ADAMTS6: variants seen among roughly 807,000 people sequenced by gnomAD.
ADAMTS6 encodes ADAM metallopeptidase with thrombospondin type 1 motif 6.
Under a neutral mutation model 144.3 loss-of-function variants are expected in ADAMTS6, and 23 were observed. The observed-to-expected ratio is 0.16, with a 90% CI of 0.11 to 0.23. The LOEUF is 0.23. Ranked by LOEUF, ADAMTS6 falls within the 10% of genes least tolerant of loss-of-function variation. ADAMTS6 has a pLI of 1.00. For synonymous variants in ADAMTS6, 444 were observed against 457.5 expected, an observed-to-expected ratio of 0.97 and a Z score of 0.38; for missense variants, 999 against 1,379.6, an observed-to-expected ratio of 0.72 and a Z score of 4.37.
chr5:65,199,574 T>C (rs1755603172), intron 20 of ADAMTS6, among the ~76,000 whole-genome samples: 1 of 152,130 alleles, frequency 6.6e-6, no homozygotes, highest in Non-Finnish European at 1.5e-5. Context: ...AAGGAAGAAA[T>C]AAAACTGACC....
intron 8 of ADAMTS6, among the ~76,000 whole-genome samples, chr5:65,331,214 C>T (rs796972016): frequency 1.2e-4 from 19 of 152,082 alleles, no homozygotes; most frequent in African/African-American, 4.6e-4. Flanking sequence ...AAAAGAAAAG[C>T]AGAATTACTA....
chr5:65,211,587 G>C (rs1417840349), intron 20 of ADAMTS6, among the ~76,000 whole-genome samples: 1 of 152,012 alleles, frequency 6.6e-6, no homozygotes, highest in Non-Finnish European at 1.5e-5. Context: ...GGGTGACAGG[G>C]TGAGACTCTG....
intron 7 of ADAMTS6, among the ~76,000 whole-genome samples, chr5:65,437,219 C>A (rs772390785): frequency 1.3e-5 from 2 of 151,862 alleles, no homozygotes; most frequent in Non-Finnish European, 2.9e-5. Context: ...CTCAGCCTCC[C>A]GAGTAGCTGG....
chr5:65,459,983 C>G (rs1027738230), intron 4 of ADAMTS6, among the ~76,000 whole-genome samples, 187 bp downstream of exon 4: 20 of 152,082 alleles, frequency 1.3e-4, no homozygotes, highest in African/African-American at 4.8e-4. Flanking sequence ...AGCTTAAAAA[C>G]TTCTCAAAGA....
chr5:65,308,895 A>C (rs1460984883), intron 9 of ADAMTS6, among the ~76,000 whole-genome samples: 1 of 152,220 alleles, frequency 6.6e-6, no homozygotes, highest in Admixed American at 6.5e-5. Context: ...GGAGAACTTC[A>C]ATACCTATTA....
intron 7 of ADAMTS6, among the ~76,000 whole-genome samples, chr5:65,388,502 G>C (rs775365264): frequency 6.6e-6 from 1 of 152,122 alleles, no homozygotes; most frequent in Non-Finnish European, 1.5e-5. Flanking sequence ...AGAAAAGCAC[G>C]CGATTAAATG....
chr5:65,255,722 C>T (rs1760593865), intron 14 of ADAMTS6, among the ~76,000 whole-genome samples: 1 of 151,294 alleles, frequency 6.6e-6, no homozygotes, highest in Non-Finnish European at 1.5e-5. Flanking sequence ...ATTATTTTGT[C>T]AGTTCTTTGC....
At chr5:65,356,766 T>C (rs1749361633) in intron 7 of ADAMTS6, among the ~76,000 whole-genome samples, 1 of 151,888 alleles carries the variant, frequency 6.6e-6, no homozygotes. Flanking sequence ...TACTGGGGAT[T>C]TTAAGTTCCA....
intron 21 of ADAMTS6, among the ~76,000 whole-genome samples, chr5:65,195,418 T>C (rs1463843030): frequency 1.3e-5 from 2 of 152,202 alleles, no homozygotes; most frequent in African/African-American, 4.8e-5. Flanking sequence ...GCAAAAGTCT[T>C]AGAACAAAAA....
intron 9 of ADAMTS6, among the ~76,000 whole-genome samples, chr5:65,314,431 T>C (rs991610089): frequency 2.6e-5 from 4 of 151,936 alleles, no homozygotes; most frequent in African/African-American, 4.8e-5. Flanking sequence ...GTACATGTAA[T>C]TGACATACTA....
intron 4 of ADAMTS6, among the ~76,000 whole-genome samples, chr5:65,455,694 T>C (rs986129899): frequency 1.3e-5 from 2 of 151,518 alleles, no homozygotes; most frequent in South Asian, 2.1e-4. Context: ...TCCCAGCTAC[T>C]AGGAAGGCTG....
chr5:65,261,335 A>C (rs1348742983), intron 13 of ADAMTS6, among the ~76,000 whole-genome samples: 2 of 152,214 alleles, frequency 1.3e-5, no homozygotes, highest in African/African-American at 4.8e-5. Context: ...AAAGGATTTA[A>C]CATTAGGGAA....
chr5:65,303,423 T>C (rs942379982), intron 9 of ADAMTS6, among the ~76,000 whole-genome samples: 1 of 152,076 alleles, frequency 6.6e-6, no homozygotes, highest in Non-Finnish European at 1.5e-5. Flanking sequence ...ATTAATGATA[T>C]GTCTTCTAAT....
intron 14 of ADAMTS6, among the ~76,000 whole-genome samples, chr5:65,248,521 C>G (rs1411258029): frequency 6.6e-6 from 1 of 152,108 alleles, no homozygotes; most frequent in African/African-American, 2.4e-5. Context: ...AAAAACAGGT[C>G]AGGCATAATG....
rs369544904 is a variant in ADAMTS6, at chr5:65,354,840, T to C, written c.1074-20755A>G. On this transcript the variant is annotated intron_variant, in intron 7 of 24. Transcript: ENST00000381055. The stretch of plus-strand genomic sequence containing the variant: ...AACTAATATCAAGCCTTGTATTTTA[T>C]TCCGAATCTTCAACAAGGTTTTCCT... 1.2e-4 allele frequency among the ~76,000 whole-genome samples: 18 copies of C among 151,916 alleles called. No individual in the cohort carries two copies. In the East Asian group the frequency reaches 2.3e-3, roughly 20 times the overall value.
intron 9 of ADAMTS6, among the ~76,000 whole-genome samples, chr5:65,320,598 T>C (rs1417483610): frequency 6.6e-6 from 1 of 152,038 alleles, no homozygotes. Context: ...AGTGAAGGTT[T>C]GTTACATAGG....
chr5:65,278,279 T>C, intron 11 of ADAMTS6, among the ~76,000 whole-genome samples: 1 of 152,226 alleles, frequency 6.6e-6, no homozygotes, highest in East Asian at 1.9e-4. Flanking sequence ...TGTGCTGCTA[T>C]AAATATACAT....
In ADAMTS6 at chr5:65,322,853, T is replaced by C. The variant is rs564178527; in HGVS notation, c.1223+6525A>G. 2.2e-4 allele frequency among the ~76,000 whole-genome samples: 34 copies of C among 152,300 alleles called. 1 individual carries two copies. The East Asian group carries it at 6.6e-3, about 29-fold the overall frequency. ...GGGATAGTTTGACTTCCTCTCTTCC[T>C]ATTCGAATGCCGTTTATTTCTTTCT... On this transcript the variant is annotated intron_variant, in intron 9 of 24. Coordinates refer to ENST00000381055, the MANE Select transcript of ADAMTS6 (RefSeq NM_197941.4).
In ADAMTS6 at chr5:65,279,481, T is replaced by A. The variant is rs191283053; in HGVS notation, c.1513-6034A>T. ...ACAGGCGCCTGCCACCATGCCTGGCTAATTTTTGTATTTTTGGTAGAGACA... is the reference window on the plus strand; with the variant it reads ...ACAGGCGCCTGCCACCATGCCTGGCAAATTTTTGTATTTTTGGTAGAGACA... On this transcript the variant is annotated intron_variant, in intron 11 of 24. Transcript: ENST00000381055. Among the ~76,000 whole-genome samples the A allele has an allele frequency of 1.9e-3, 295 of 152,178 alleles. 2 individuals are homozygous for A. The highest frequency in any genetic ancestry group is 6.8e-3 in the African/African-American group (283 of 41,514).
Sources: allele counts gnomAD v4.1 joint callset (sites outside exome capture counted in the v4.1 genomes callset), GRCh38; gene constraint gnomAD v4.1.1; transcripts MANE v1.5; gene names NCBI Gene and HGNC (gene_info 2026-07-23, HGNC 2026-07-21).